SYNJ2: variants seen among roughly 807,000 people sequenced by gnomAD.
SYNJ2 encodes the protein polyphosphatidylinositol phosphatase SYNJ2.
Under a neutral mutation model 141.3 loss-of-function variants are expected in SYNJ2, and 116 were observed. The observed-to-expected ratio is 0.82, with a 90% CI of 0.71 to 0.96. SYNJ2 has a LOEUF of 0.96. SYNJ2 is among the 40% of genes least tolerant of loss of function. SYNJ2 has a pLI of 0.00. For synonymous variants in SYNJ2, 745 were observed against 777.7 expected, an observed-to-expected ratio of 0.96 and a Z score of 0.70; for missense variants, 1,873 against 1,934.8, an observed-to-expected ratio of 0.97 and a Z score of 0.60.
intron 23 of SYNJ2, among the ~76,000 whole-genome samples, chr6:158,088,427 T>C (rs1368941063): frequency 1.3e-5 from 2 of 152,146 alleles, no homozygotes; most frequent in Non-Finnish European, 2.9e-5. Context: ...TAGTAATGCT[T>C]CTCCAGATCA....
chr6:158,011,709 C>A (rs1583314525), intron 1 of SYNJ2, among the ~76,000 whole-genome samples: 1 of 152,158 alleles, frequency 6.6e-6, no homozygotes, highest in African/African-American at 2.4e-5. Context: ...ATCTTCCCAC[C>A]CCTCAAGTGT....
chr6:158,017,155 T>G (rs1212627179), intron 1 of SYNJ2, 49 bp from the exon 2 acceptor site: 2 of 1,596,882 alleles, frequency 1.3e-6, no homozygotes, highest in African/African-American at 2.7e-5. Flanking sequence ...TGAACAGGAA[T>G]GAGCAGGAGA....
At chr6:157,997,597 A>T (rs1777683165) in intron 1 of SYNJ2, among the ~76,000 whole-genome samples, 1 of 152,142 alleles carries the variant, frequency 6.6e-6, no homozygotes, top group Non-Finnish European at 1.5e-5. Context: ...GAACTGTGAG[A>T]CAATAAATTT....
At chr6:157,998,882 G>A (rs190512009) in intron 1 of SYNJ2, among the ~76,000 whole-genome samples, 2 of 152,322 alleles carry the variant, frequency 1.3e-5, no homozygotes, top group East Asian at 1.9e-4. Flanking sequence ...GAGAGAGAAC[G>A]TTTGCATCCC....
At chr6:158,011,606 T>A (rs1484004559) in intron 1 of SYNJ2, among the ~76,000 whole-genome samples, 2 of 152,210 alleles carry the variant, frequency 1.3e-5, no homozygotes, top group African/African-American at 4.8e-5. Flanking sequence ...TGTGCTTAAT[T>A]TTCCCAGTGG....
intron 1 of SYNJ2, among the ~76,000 whole-genome samples, chr6:157,988,855 G>T (rs1005225343): frequency 2.6e-5 from 4 of 152,256 alleles, no homozygotes; most frequent in Non-Finnish European, 4.4e-5. Context: ...CAGAGCTGCG[G>T]TGCCATCAAC....
At chr6:158,086,164 G>A (rs1416261338) in intron 22 of SYNJ2, among the ~76,000 whole-genome samples, 1 of 152,172 alleles carries the variant, frequency 6.6e-6, no homozygotes, top group Non-Finnish European at 1.5e-5. Context: ...GACACATGGG[G>A]TGGAGCTGCT....
chr6:158,074,923 CTTTTT>C (rs66487650), intron 16 of SYNJ2, among the ~76,000 whole-genome samples, 185 bp downstream of exon 16: 1 of 144,268 alleles, frequency 6.9e-6, no homozygotes, highest in African/African-American at 2.6e-5. Context: ...ACTTCCTGTC[CTTTTT>C]TTTTTTTTTT....
intron 25 of SYNJ2, 103 bp downstream of exon 25, chr6:158,090,050 G>A: frequency 2.7e-6 from 2 of 742,420 alleles, no homozygotes; most frequent in Non-Finnish European, 4.7e-6. Flanking sequence ...TTATTCTTCT[G>A]GAGGCAATAT....
chr6:158,007,565 A>C (rs1353804294), intron 1 of SYNJ2, among the ~76,000 whole-genome samples: 1 of 152,174 alleles, frequency 6.6e-6, no homozygotes, highest in Non-Finnish European at 1.5e-5. Flanking sequence ...CACCTTCAAA[A>C]TATACCCAGA....
rs147441159 is a variant in SYNJ2 at position 158,093,141 on chromosome 6, G to A, written c.3744+37G>A. 315 of 1,592,098 alleles carry A rather than the reference G, an allele frequency of 2.0e-4. 2 individuals are homozygous for A. In the East Asian group the frequency reaches 5.6e-3, roughly 28 times the overall value. On this transcript the variant is annotated intron_variant, in intron 26 of 26. Transcript: ENST00000355585. Reference sequence around the variant, plus strand: ...GTAACATAAAACCTCTTACTCCTAAGTTGCTCACATGTCTCGATAGATAAG... The same window carrying A: ...GTAACATAAAACCTCTTACTCCTAAATTGCTCACATGTCTCGATAGATAAG...
intron 4 of SYNJ2, among the ~76,000 whole-genome samples, chr6:158,042,503 C>T (rs895239552): frequency 2.6e-5 from 4 of 152,254 alleles, no homozygotes; most frequent in African/African-American, 7.2e-5. Context: ...GCTAGAGTTG[C>T]GCAGATAAAG....
upstream of SYNJ2, chr6:157,981,758 G>T: frequency 2.6e-6 from 1 of 385,104 alleles, no homozygotes; most frequent in South Asian, 1.2e-4. The surrounding 1 kb of genome is among the most constrained non-coding windows in gnomAD (Gnocchi z 6.4). Flanking sequence ...GGGAGGCGGC[G>T]GCGCGCCCTC....
At chr6:158,000,425 C>T (rs1002655114) in intron 1 of SYNJ2, among the ~76,000 whole-genome samples, 2 of 152,142 alleles carry the variant, frequency 1.3e-5, no homozygotes, top group African/African-American at 4.8e-5. Context: ...GACCACATGT[C>T]CTGGTGTTCA....
intron 2 of SYNJ2, among the ~76,000 whole-genome samples, chr6:158,018,827 C>A (rs1778609136): frequency 1.3e-5 from 2 of 152,342 alleles, no homozygotes; most frequent in South Asian, 4.1e-4. Flanking sequence ...GGGTTTGAAG[C>A]GCCTCCAAAC....
chr6:158,009,678 T>A lies in SYNJ2; in HGVS notation c.128-7526T>A, dbSNP rs755609520. ...CAGGAAGTCTGTGTATTTCTGAGAT[T>A]ATCAAGAAAGGGGGGATGGAAGTTG... On this transcript the variant is annotated intron_variant, in intron 1 of 26. Coordinates refer to ENST00000355585, the MANE Select transcript of SYNJ2 (RefSeq NM_003898.4). 6.6e-4 allele frequency among the ~76,000 whole-genome samples: 100 copies of A among 152,324 alleles called. 1 individual carries two copies. Among genetic ancestry groups the A allele is most frequent in the South Asian group, 4.8e-3 (23 of 4,830 alleles).
At chr6:158,055,501 TTATGTGTGTG>T (rs1294531605) in intron 6 of SYNJ2, among the ~76,000 whole-genome samples, 2 of 122,246 alleles carry the variant, frequency 1.6e-5, no homozygotes, top group Non-Finnish European at 3.4e-5. Context: ...TTTTGGCATT[TTATGTGTGTG>T]TGTGTGTGTG....
chr6:158,054,765 C>T (rs1266044205), intron 5 of SYNJ2, among the ~76,000 whole-genome samples: 1 of 152,168 alleles, frequency 6.6e-6, no homozygotes, highest in Non-Finnish European at 1.5e-5. Context: ...AAGCCAGACT[C>T]GAGGCACCTA....
chr6:158,052,444 TTTATTTGGCTC>T (rs1780620866), intron 5 of SYNJ2, among the ~76,000 whole-genome samples: 1 of 152,250 alleles, frequency 6.6e-6, no homozygotes, highest in Admixed American at 6.5e-5. Context: ...AGGAAAGAGG[TTTATTTGGCTC>T]ATGGTAATGC....
Sources: gnomAD v4.1 joint callset for allele counts (sites outside exome capture counted in the v4.1 genomes callset) on GRCh38, gnomAD v4.1.1 for gene constraint, Gnocchi (gnomAD v3.1) non-coding constraint, MANE v1.5 for transcripts, NCBI Gene and HGNC (gene_info 2026-07-23, HGNC 2026-07-21) for gene names.